The following ADAM12 variants were observed in gnomAD, a reference collection of about 807,000 sequenced individuals.
The protein encoded by ADAM12 is ADAM metallopeptidase domain 12.
Under a neutral mutation model 106.4 loss-of-function variants are expected in ADAM12, and 70 were observed. That is an observed-to-expected ratio of 0.66 (90% CI 0.54 to 0.80). The LOEUF is 0.80. Ranked by LOEUF, ADAM12 falls within the 30% of genes least tolerant of loss-of-function variation. The pLI is 0.00. For missense variants in ADAM12, 1,010 were observed against 1,171.9 expected, an observed-to-expected ratio of 0.86 and a Z score of 2.02; for synonymous variants, 420 against 433.5, an observed-to-expected ratio of 0.97 and a Z score of 0.39.
chr10:126,082,067 G>T (rs559067527), intron 11 of ADAM12, among the ~76,000 whole-genome samples: 80 of 152,316 alleles, frequency 5.3e-4, no homozygotes, highest in Non-Finnish European at 9.7e-4. Context: ...TTCTGGAAGG[G>T]CCAGTTTTTC....
chr10:126,286,910 T>G (rs2133770591), intron 2 of ADAM12, among the ~76,000 whole-genome samples: 1 of 152,356 alleles, frequency 6.6e-6, no homozygotes, highest in East Asian at 1.9e-4. Flanking sequence ...GAAGTTTGTG[T>G]GTTCAAACGT....
At chr10:126,190,989 CCTTTTT>C (rs1474981860) in intron 3 of ADAM12, among the ~76,000 whole-genome samples, 27 of 68,730 alleles carry the variant, frequency 3.9e-4, no homozygotes, top group East Asian at 1.1e-3. Flanking sequence ...GGAGTTTTGT[CCTTTTT>C]TTTTTTTTTT....
intron 3 of ADAM12, among the ~76,000 whole-genome samples, chr10:126,252,115 GGGATGGAT>G (rs199836391): frequency 1.1e-5 from 1 of 94,264 alleles, no homozygotes; most frequent in Non-Finnish European, 2.9e-5. Context: ...ATGGATGGAT[GGGATGGAT>G]GGATGGATGG....
intron 1 of ADAM12, among the ~76,000 whole-genome samples, chr10:126,369,788 T>C (rs923998433): frequency 5.3e-5 from 8 of 152,110 alleles, no homozygotes; most frequent in Non-Finnish European, 1.2e-4. Flanking sequence ...GTTGAGATGG[T>C]TCCCAGTGCC....
intron 22 of ADAM12, 130 bp from the exon 23 acceptor site, chr10:126,017,469 C>CAT: frequency 1.2e-6 from 1 of 807,700 alleles, no homozygotes; most frequent in Non-Finnish European, 1.9e-6. Flanking sequence ...CACTGCCCCT[C>CAT]ATAACGGGGG....
intron 3 of ADAM12, among the ~76,000 whole-genome samples, chr10:126,175,787 C>T (rs914514483): frequency 1.3e-5 from 2 of 152,202 alleles, no homozygotes; most frequent in South Asian, 2.1e-4. Flanking sequence ...CAAGCCCAGC[C>T]GGTGGCTGCC....
At chr10:126,169,521 C>G (rs989547739) in intron 3 of ADAM12, among the ~76,000 whole-genome samples, 24 of 152,096 alleles carry the variant, frequency 1.6e-4, no homozygotes, top group African/African-American at 5.6e-4. Context: ...GGCAAAAGCA[C>G]TCATACATAA....
chr10:126,318,405 AAC>A (rs141877686), intron 2 of ADAM12, among the ~76,000 whole-genome samples: 34,288 of 151,696 alleles, frequency 0.23, 4,260 homozygotes, highest in East Asian at 0.32. Flanking sequence ...GTCATACACA[AAC>A]ACACACACAT....
chr10:126,361,872 T>C (rs2366708), intron 1 of ADAM12, among the ~76,000 whole-genome samples: 41,257 of 152,032 alleles, frequency 0.27, 5,804 homozygotes, highest in Middle Eastern at 0.33. Context: ...TGTTGGTCTA[T>C]AGGCAATTTT....
intron 1 of ADAM12, among the ~76,000 whole-genome samples, chr10:126,385,186 A>G (rs1305531677): frequency 1.3e-5 from 2 of 152,212 alleles, no homozygotes; most frequent in Non-Finnish European, 2.9e-5. Context: ...CTCTCTAGAT[A>G]CGCCACCCTC....
intron 3 of ADAM12, among the ~76,000 whole-genome samples, chr10:126,261,131 G>A (rs1958993320): frequency 6.6e-6 from 1 of 152,096 alleles, no homozygotes. Context: ...CAAATACTAT[G>A]CCATTTTATA....
chr10:126,055,313 C>T (rs1954605489), intron 14 of ADAM12, among the ~76,000 whole-genome samples: 1 of 152,152 alleles, frequency 6.6e-6, no homozygotes. Context: ...GGGCAAAGAC[C>T]CTTGAGTCTG....
At chr10:126,121,236 T>C (rs1329119363) in intron 5 of ADAM12, among the ~76,000 whole-genome samples, 9 of 106,994 alleles carry the variant, frequency 8.4e-5, no homozygotes, top group African/African-American at 2.7e-4. Flanking sequence ...ATAGTATATA[T>C]ACTATATAGT....
Position 126,323,307 on chromosome 10 carries a change from T to C in ADAM12, c.186+7105A>G, listed in dbSNP as rs542582103. Among the ~76,000 whole-genome samples, 8 of 152,246 alleles carry C rather than the reference T, an allele frequency of 5.3e-5. No homozygotes were observed. In the East Asian group the frequency reaches 1.4e-3, roughly 26 times the overall value. On this transcript the variant is annotated intron_variant, in intron 2 of 22. Transcript: ENST00000448723. ...CGAATAATCCCTTAGATAAAAAATA[T>C]AGGTCTGGCTATGTCAACCCACCCA...
intron 16 of ADAM12, among the ~76,000 whole-genome samples, chr10:126,046,379 T>C (rs932316178): frequency 2.0e-5 from 3 of 152,218 alleles, no homozygotes; most frequent in African/African-American, 7.2e-5. Flanking sequence ...TATTAAATTA[T>C]TTTGCATTTT....
chr10:126,083,181 G>T (rs1473537452), intron 11 of ADAM12, among the ~76,000 whole-genome samples: 1 of 152,226 alleles, frequency 6.6e-6, no homozygotes, highest in African/African-American at 2.4e-5. Flanking sequence ...AACCCTGCTG[G>T]GGACCAGAAG....
chr10:126,269,564 G>GA (rs2133731786), intron 3 of ADAM12, among the ~76,000 whole-genome samples: 1 of 152,292 alleles, frequency 6.6e-6, no homozygotes, highest in South Asian at 2.1e-4. Flanking sequence ...GTCGCACCAG[G>GA]AGAGGGAAGG....
Position 126,071,564 on chromosome 10 carries a change from C to G in ADAM12, c.1236G>C (p.Leu412=). Residue 412 remains leucine (L), a synonymous_variant, in exon 12 of 23, where the codon CTG becomes CTC. Transcript: ENST00000448723. ...EKGMGVCLFN[L]PEVRESFGGQ... ...CCCCGAAAGACTCCCTGACTTCCGG[C>G]AGGTTAAACAGGCACACCCCCATTC... is the stretch of plus-strand genomic sequence containing the variant. 1 of 1,614,196 alleles carries G rather than the reference C, an allele frequency of 6.2e-7. No individual in the cohort carries two copies. The highest frequency in any genetic ancestry group is 8.5e-7 in the Non-Finnish European group (1 of 1,180,044).
chr10:126,381,666 T>C (rs1433818382), intron 1 of ADAM12, among the ~76,000 whole-genome samples: 1 of 151,970 alleles, frequency 6.6e-6, no homozygotes, highest in African/African-American at 2.4e-5. Context: ...TGGCTAATTT[T>C]TGTATCTTTT....
Sources: allele counts gnomAD v4.1 joint callset (sites outside exome capture counted in the v4.1 genomes callset), GRCh38; gene constraint gnomAD v4.1.1; transcripts MANE v1.5; gene names NCBI Gene and HGNC (gene_info 2026-07-23, HGNC 2026-07-21).